Variants in FAM184A observed in about 807,000 individuals in gnomAD.
The protein encoded by FAM184A is protein FAM184A.
Under a neutral mutation model 143.8 loss-of-function variants are expected in FAM184A, and 99 were observed. The ratio of observed to expected loss-of-function variants is 0.69; its 90% CI spans 0.58 to 0.81. The LOEUF (loss-of-function observed/expected upper bound fraction) is 0.81, where lower values mean the gene tolerates loss of function less well. Ranked by LOEUF, FAM184A falls within the 40% of genes least tolerant of loss-of-function variation. The pLI, the probability that FAM184A is intolerant of heterozygous loss-of-function variation, is 0.00. For synonymous variants in FAM184A, 427 were observed against 446.4 expected (o/e 0.96, Z 0.55); for missense variants, 1,217 against 1,310.5 (o/e 0.93, Z 1.10).
chr6:119,119,138 G>A (rs1251156793), intron 1 of FAM184A, among the ~76,000 whole-genome samples: 3 of 152,204 alleles, frequency 2.0e-5, no homozygotes, highest in African/African-American at 7.2e-5. Context: ...CAGACTGGTT[G>A]TCTGCTGTCA....
intron 17 of FAM184A, 53 bp downstream of exon 17, chr6:118,961,708 A>G: frequency 6.9e-7 from 1 of 1,443,588 alleles, no homozygotes; most frequent in African/African-American, 1.4e-5. Flanking sequence ...TAAGAAGGTA[A>G]ATTTCTCAAG....
intron 1 of FAM184A, among the ~76,000 whole-genome samples, chr6:119,111,729 A>T (rs1444789836): frequency 1.3e-5 from 2 of 152,202 alleles, no homozygotes; most frequent in East Asian, 3.9e-4. Flanking sequence ...GGTGTCGAGA[A>T]TGCAGCAGTT....
chr6:118,960,162 G>A lies in FAM184A; in HGVS notation c.3364C>T (p.Pro1122Ser). ...FLSPAQSEASPVASPDPQRQE... is the reference protein window; with the variant it reads ...FLSPAQSEASSVASPDPQRQE... The stretch of plus-strand genomic sequence containing the variant: ...CGCTGGGGATCTGGAGAAGCCACTG[G>A]AGAAGCTTCACTCTGAGCAGGACTG... Residue 1122 changes from proline (P) to serine (S), a missense_variant, in exon 18 of 18, where the codon CCA (proline) becomes TCA (serine). Transcript: ENST00000338891. The A allele has an allele frequency of 6.2e-7, 1 of 1,613,178 alleles. No homozygotes were observed. Among genetic ancestry groups the A allele is most frequent in the Non-Finnish European group, 8.5e-7 (1 of 1,179,472 alleles).
intron 9 of FAM184A, among the ~76,000 whole-genome samples, chr6:118,981,854 G>A (rs1237492779): frequency 1.3e-5 from 2 of 152,082 alleles, no homozygotes; most frequent in African/African-American, 4.8e-5. Flanking sequence ...ATGTATTTCC[G>A]AATAAGTGAC....
At position 119,142,915 on chromosome 6, in the gene FAM184A, G is replaced by T. The variant is rs148722920; in HGVS notation, c.-202+6163C>A. On this transcript the variant is annotated intron_variant, in intron 1 of 16. Coordinates refer to the FAM184A transcript ENST00000352896. Reference sequence around the variant, plus strand: ...ATTTAGACACACACAGAAAAAGCACGCCAAGTGAGAACACAGACACTCAAA... The same window carrying T: ...ATTTAGACACACACAGAAAAAGCACTCCAAGTGAGAACACAGACACTCAAA... 1.6e-3 allele frequency among the ~76,000 whole-genome samples: 251 copies of T among 152,196 alleles called. 1 individual carries two copies. The highest frequency in any genetic ancestry group is 5.9e-3 in the African/African-American group (247 of 41,518).
chr6:119,036,266 G>A (rs779422356), intron 1 of FAM184A, among the ~76,000 whole-genome samples: 12 of 150,152 alleles, frequency 8.0e-5, no homozygotes, highest in Admixed American at 1.3e-4. Flanking sequence ...GCCATTCTTC[G>A]TACATTATGT....
intron 14 of FAM184A, among the ~76,000 whole-genome samples, chr6:118,973,319 TAAATC>T (rs1257519685): frequency 6.6e-6 from 1 of 152,130 alleles, no homozygotes; most frequent in Non-Finnish European, 1.5e-5. Flanking sequence ...ATTGGTCACA[TAAATC>T]AAATAAAAGA....
intron 1 of FAM184A, among the ~76,000 whole-genome samples, chr6:119,074,186 A>T (rs1210802457): frequency 1.3e-5 from 2 of 152,204 alleles, no homozygotes; most frequent in African/African-American, 4.8e-5. Flanking sequence ...TAATCAAGTA[A>T]AAGTTTGCTG....
chr6:118,971,986 T>G (rs1474039281), intron 14 of FAM184A, among the ~76,000 whole-genome samples: 7 of 152,118 alleles, frequency 4.6e-5, no homozygotes, highest in Non-Finnish European at 1.5e-5. Flanking sequence ...TCTTCTGATT[T>G]CAAAGTTTTA....
chr6:119,140,197 C>T (rs1172512021), intron 1 of FAM184A, among the ~76,000 whole-genome samples: 2 of 152,210 alleles, frequency 1.3e-5, no homozygotes, highest in Non-Finnish European at 2.9e-5. Flanking sequence ...ATGGTGCAGT[C>T]TGCCCTCATG....
intron 1 of FAM184A, among the ~76,000 whole-genome samples, chr6:119,044,408 GTC>G (rs1404665701): frequency 2.0e-5 from 3 of 152,094 alleles, no homozygotes; most frequent in African/African-American, 7.2e-5. Flanking sequence ...CAAAGCAAGA[GTC>G]TGTCTCTACG....
At chr6:119,003,819 T>C (rs1278791276) in intron 7 of FAM184A, among the ~76,000 whole-genome samples, 197 bp from the exon 8 acceptor site, 1 of 152,224 alleles carries the variant, frequency 6.6e-6, no homozygotes, top group Non-Finnish European at 1.5e-5. Context: ...ATTTTACATG[T>C]TCTTGTCTAA....
chr6:119,147,624 G>A (rs764013413), intron 1 of FAM184A, among the ~76,000 whole-genome samples: 6 of 152,212 alleles, frequency 3.9e-5, no homozygotes, highest in Non-Finnish European at 8.8e-5. Context: ...AAGTCAGCCT[G>A]CTCGAACTCA....
intron 1 of FAM184A, among the ~76,000 whole-genome samples, chr6:119,046,978 A>C (rs1166762814): frequency 6.6e-6 from 1 of 152,190 alleles, no homozygotes; most frequent in Non-Finnish European, 1.5e-5. Flanking sequence ...CAAACTACCC[A>C]TCTGACAAGG....
At chr6:119,098,859 C>T (rs999741210) in intron 1 of FAM184A, among the ~76,000 whole-genome samples, 2 of 152,128 alleles carry the variant, frequency 1.3e-5, no homozygotes, top group Admixed American at 1.3e-4. Flanking sequence ...CTGGGCGTGG[C>T]GGCACTTTGG....
intron 6 of FAM184A, 79 bp downstream of exon 6, chr6:119,011,230 C>T (rs1785078499): frequency 8.2e-7 from 1 of 1,225,668 alleles, no homozygotes; most frequent in Non-Finnish European, 1.1e-6. Context: ...CTGAGACTTA[C>T]CTACCTATAC....
At chr6:119,038,618 T>C (rs1214970735) in intron 1 of FAM184A, among the ~76,000 whole-genome samples, 1 of 152,310 alleles carries the variant, frequency 6.6e-6, no homozygotes, top group African/African-American at 2.4e-5. Flanking sequence ...ATCCATCCCT[T>C]GTTTAGCATA....
intron 9 of FAM184A, among the ~76,000 whole-genome samples, chr6:119,000,277 C>T (rs928000219): frequency 2.0e-5 from 3 of 152,088 alleles, no homozygotes; most frequent in African/African-American, 7.2e-5. Context: ...ATCACTTTTC[C>T]TTGGATAGAG....
chr6:119,024,948 C>T (rs1785578279), intron 1 of FAM184A, 135 bp from the exon 2 acceptor site: 2 of 836,336 alleles, frequency 2.4e-6, no homozygotes, highest in East Asian at 5.1e-5. Context: ...AATATGGAAT[C>T]TTGATGCAAT....
Sources: gnomAD v4.1 joint callset for allele counts (sites outside exome capture counted in the v4.1 genomes callset) on GRCh38, gnomAD v4.1.1 for gene constraint, MANE v1.5 for transcripts, NCBI Gene and HGNC (gene_info 2026-07-23, HGNC 2026-07-21) for gene names.